Variants in ARHGAP39 observed in about 807,000 individuals in gnomAD.
The protein encoded by ARHGAP39 is Rho GTPase activating protein 39.
Under a neutral mutation model 106.9 loss-of-function variants are expected in ARHGAP39, and 44 were observed. The ratio of observed to expected loss-of-function variants is 0.41; its 90% confidence interval spans 0.32 to 0.53. The LOEUF is 0.53. Among genes scored for constraint, ARHGAP39 ranks in the 20% least tolerant of loss-of-function variants. The probability of loss-of-function intolerance (pLI) is 0.21; values close to 1 mark genes in which losing one functional copy is unlikely to be tolerated. For missense variants in ARHGAP39, 1,496 were observed against 1,577.3 expected (o/e 0.95, Z 0.87); for synonymous variants, 768 against 693.2 (o/e 1.11, Z -1.69).
At chr8:144,590,483 G>C (rs1053902404) in intron 2 of ARHGAP39, among the ~76,000 whole-genome samples, 6 of 151,388 alleles carry the variant, frequency 4.0e-5, no homozygotes, top group African/African-American at 1.5e-4. Flanking sequence ...CCGTGCTCCT[G>C]CTTTGCCATG....
chr8:144,643,559 C>T (rs1471038657), intron 1 of ARHGAP39, among the ~76,000 whole-genome samples: 1 of 152,214 alleles, frequency 6.6e-6, no homozygotes, highest in African/African-American at 2.4e-5. Flanking sequence ...CCCACAGTTC[C>T]TTTGACGAAG....
chr8:144,547,659 G>A lies in ARHGAP39; in HGVS notation c.1427C>T (p.Ser476Phe). Reference sequence around the variant, plus strand: ...GGAGGACAGGGTGTCCTGCTGGCTGGACCAGGACATGGCATCCTCCTGGGC... The same window carrying A: ...GGAGGACAGGGTGTCCTGCTGGCTGAACCAGGACATGGCATCCTCCTGGGC... ...PQAQEDAMSWSSQQDTLSSTG... is the reference protein window; with the variant it reads ...PQAQEDAMSWFSQQDTLSSTG... The change falls in exon 5 of 12, where the codon TCC becomes TTC. Residue 476 changes from serine to phenylalanine, a missense_variant. This residue lies in a region of ARHGAP39 where 905 missense variants were observed against 816.4 expected (regional missense o/e 1.11). Transcript: ENST00000377307. The surrounding 1 kb of genome is among the most constrained non-coding windows in gnomAD (Gnocchi z 5.2). 2 of 1,555,964 alleles carry A rather than the reference G, an allele frequency of 1.3e-6. No individual in the cohort carries two copies. The highest frequency in any genetic ancestry group is 1.7e-6 in the Non-Finnish European group (2 of 1,154,570).
chr8:144,546,501 C>T (rs1241489909), intron 5 of ARHGAP39, among the ~76,000 whole-genome samples: 2 of 152,280 alleles, frequency 1.3e-5, no homozygotes, highest in South Asian at 2.1e-4. Context: ...GGTCCTCAGA[C>T]GCTAGGCCTG....
intron 2 of ARHGAP39, among the ~76,000 whole-genome samples, chr8:144,590,683 G>C (rs1251084953): frequency 6.6e-6 from 1 of 152,138 alleles, no homozygotes; most frequent in Non-Finnish European, 1.5e-5. Flanking sequence ...GGCTGGGGGG[G>C]CAGCGGTCAC....
chr8:144,653,493 G>C (rs1821623509), intron 1 of ARHGAP39, among the ~76,000 whole-genome samples: 2 of 152,080 alleles, frequency 1.3e-5, no homozygotes, highest in African/African-American at 4.8e-5. Flanking sequence ...CCCTTCAATG[G>C]AAGCACAAGC....
At chr8:144,594,977 G>A (rs1321890497) in intron 2 of ARHGAP39, among the ~76,000 whole-genome samples, 2 of 151,920 alleles carry the variant, frequency 1.3e-5, no homozygotes, top group Non-Finnish European at 2.9e-5. Context: ...GGGAGTTGCA[G>A]GTTGCAGTGA....
chr8:144,694,354 C>T, the ARHGAP39 span, among the ~76,000 whole-genome samples: 1 of 152,148 alleles, frequency 6.6e-6, no homozygotes, highest in Non-Finnish European at 1.5e-5. Context: ...TCACTGTTTC[C>T]ATTTTCCCTG....
In ARHGAP39 at chr8:144,548,896, A is replaced by G. The variant is rs1817589571; in HGVS notation, c.597-407T>C. Among the ~76,000 whole-genome samples, 2 of 152,208 alleles carry G rather than the reference A, an allele frequency of 1.3e-5. No homozygotes were observed. The highest frequency in any genetic ancestry group is 6.5e-5 in the Admixed American group (1 of 15,286). ...GGCGTTGGACCCGTCCCAGTGGTCCAGGTGAGCCCAGCAGGAGGAAGGCAC... is the reference window on the plus strand; with the variant it reads ...GGCGTTGGACCCGTCCCAGTGGTCCGGGTGAGCCCAGCAGGAGGAAGGCAC... On this transcript the variant is annotated intron_variant, in intron 4 of 11. Transcript: ENST00000377307. The surrounding 1 kb of genome is among the most constrained non-coding windows in gnomAD (Gnocchi z 7.4).
At chr8:144,562,219 T>C (rs112575898) in intron 3 of ARHGAP39, among the ~76,000 whole-genome samples, 12,018 of 124,710 alleles carry the variant, frequency 0.096, 1,496 homozygotes, top group African/African-American at 0.28. Flanking sequence ...TGGTTTCCAT[T>C]GGACTCACCC....
chr8:144,564,313 G>C (rs1261714037), intron 3 of ARHGAP39, among the ~76,000 whole-genome samples: 1 of 152,170 alleles, frequency 6.6e-6, no homozygotes, highest in Non-Finnish European at 1.5e-5. Flanking sequence ...GTTGTCCCCT[G>C]AGCACACCAA....
chr8:144,674,111 G>A (rs116977172), intron 1 of ARHGAP39, among the ~76,000 whole-genome samples: 2 of 151,220 alleles, frequency 1.3e-5, no homozygotes, highest in Non-Finnish European at 3.0e-5. Flanking sequence ...TTCATTACCT[G>A]CAACGTGGTG....
intron 2 of ARHGAP39, among the ~76,000 whole-genome samples, chr8:144,599,254 G>A (rs1015411173): frequency 5.9e-5 from 9 of 152,116 alleles, no homozygotes; most frequent in East Asian, 3.8e-4. Context: ...CAGAATATGC[G>A]AAATTACCCA....
At position 144,545,747 on chromosome 8, in the gene ARHGAP39, T is replaced by C. The variant is rs1817390094; in HGVS notation, c.2023A>G (p.Ser675Gly). Reference sequence around the variant, plus strand: ...AAAGTGGGGAAGACGCAGCTGGAGCTGGGAACGCCGCTGCGGCTCTGCCGG... The same window carrying C: ...AAAGTGGGGAAGACGCAGCTGGAGCCGGGAACGCCGCTGCGGCTCTGCCGG... ...SSRQSRSGVP[S>G]SSCVFPTFTL... The change falls in exon 6 of 12, where the codon AGC becomes GGC. Residue 675 changes from serine (S) to glycine (G), a missense_variant. Physicochemically the swap from Ser to Gly is moderately conservative, Grantham distance 56. Around this residue, in one of 4 missense-constraint regions of ARHGAP39, gnomAD observed 905 missense variants for 816.4 expected, o/e 1.11. Transcript: ENST00000377307. 2 of 1,609,308 alleles carry C rather than the reference T, an allele frequency of 1.2e-6. No homozygotes were observed. Among genetic ancestry groups the C allele is most frequent in the South Asian group, 1.1e-5 (1 of 90,994 alleles).
chr8:144,665,032 A>G (rs1163573347), intron 1 of ARHGAP39, among the ~76,000 whole-genome samples: 2 of 152,234 alleles, frequency 1.3e-5, no homozygotes, highest in Admixed American at 1.3e-4. Context: ...AACGGTTGAC[A>G]AAAATGCCGA....
At chr8:144,537,952 C>T in intron 6 of ARHGAP39, 139 bp from the exon 7 acceptor site, 1 of 721,544 alleles carries the variant, frequency 1.4e-6, no homozygotes, top group East Asian at 2.6e-5. Context: ...CTGAGCGTTT[C>T]TGGGGGGACG....
At chr8:144,534,643 C>T (rs896741092) in intron 7 of ARHGAP39, among the ~76,000 whole-genome samples, 2 of 152,232 alleles carry the variant, frequency 1.3e-5, no homozygotes, top group African/African-American at 4.8e-5. Flanking sequence ...ACCCAGCACC[C>T]GCAGCCAGTG....
At chr8:144,577,087 T>C (rs1162918648) in intron 3 of ARHGAP39, among the ~76,000 whole-genome samples, 1 of 152,234 alleles carries the variant, frequency 6.6e-6, no homozygotes, top group Non-Finnish European at 1.5e-5. Flanking sequence ...TTCTGTACCT[T>C]TCAGTATCAT....
chr8:144,543,740 C>T (rs1449566299), intron 6 of ARHGAP39: 2 of 152,400 alleles, frequency 1.3e-5, no homozygotes, highest in Admixed American at 6.5e-5. Context: ...GGAGCACACA[C>T]TCCCCTAGGA....
Position 144,666,158 on chromosome 8 carries a change from ACC to A in ARHGAP39, c.-82+19526_-82+19527del, listed in dbSNP as rs905084134. On this transcript the variant is annotated intron_variant, in intron 1 of 11. Transcript: ENST00000377307. ...ATTTTGAACTTGCAAGGGGCCTGTA[ACC>A]CCTTTCTTTTGGCCAATTTCTCCCA... Among the ~76,000 whole-genome samples the A allele has an allele frequency of 9.1e-4, 138 of 152,222 alleles. 1 individual carries two copies. Among genetic ancestry groups the A allele is most frequent in the African/African-American group, 3.0e-3 (124 of 41,524 alleles).
Sources: gnomAD v4.1 joint callset for allele counts (sites outside exome capture counted in the v4.1 genomes callset) on GRCh38, gnomAD v4.1.1 for gene constraint, gnomAD v4.1.1 regional missense constraint, Gnocchi (gnomAD v3.1) non-coding constraint, MANE v1.5 for transcripts, NCBI Gene and HGNC (gene_info 2026-07-23, HGNC 2026-07-21) for gene names.